The following FADS2 variants were observed in gnomAD, a reference collection of about 807,000 sequenced individuals.
FADS2 encodes acyl-CoA 6-desaturase.
Under a neutral mutation model 61.2 loss-of-function variants are expected in FADS2, and 18 were observed. The observed-to-expected ratio is 0.29, with a 90% CI of 0.20 to 0.44. FADS2 has a LOEUF of 0.44. FADS2 is among the 20% of genes least tolerant of loss of function. The probability of loss-of-function intolerance (pLI) is 1.00; values close to 1 mark genes in which losing one functional copy is unlikely to be tolerated. For missense variants in FADS2, 322 were observed against 572.7 expected, an observed-to-expected ratio of 0.56 and a Z score of 4.47; for synonymous variants, 203 against 223.9, an observed-to-expected ratio of 0.91 and a Z score of 0.83.
At chr11:61,840,757 G>T (rs541993181) in intron 4 of FADS2, 32 bp downstream of exon 4, 2 of 1,496,738 alleles carry the variant, frequency 1.3e-6, no homozygotes, top group South Asian at 1.1e-5. Flanking sequence ...CATCTGTCCT[G>T]TTGGACAGCA....
intron 4 of FADS2, among the ~76,000 whole-genome samples, chr11:61,843,036 C>T (rs1390735818): frequency 1.3e-5 from 2 of 152,210 alleles, no homozygotes; most frequent in East Asian, 1.9e-4. Flanking sequence ...GCCTTCAGCC[C>T]GTGTCATGCC....
upstream of FADS2, among the ~76,000 whole-genome samples, chr11:61,824,433 A>G (rs1207713690): frequency 1.6e-4 from 1 of 6,228 alleles, no homozygotes; most frequent in Non-Finnish European, 3.2e-4. Flanking sequence ...AGAGAGAGAG[A>G]GGGAGGGAGG....
chr11:61,857,113 TCCCCC>T, intron 6 of FADS2, 42 bp downstream of exon 6: 2 of 1,524,042 alleles, frequency 1.3e-6, no homozygotes, highest in Non-Finnish European at 1.8e-6. Context: ...GACCCTCCCC[TCCCCC>T]CAGAGTGGCG....
intron 1 of FADS2, among the ~76,000 whole-genome samples, 186 bp from the exon 2 acceptor site, chr11:61,837,592 G>A (rs937956265): frequency 3.9e-5 from 6 of 152,244 alleles, no homozygotes; most frequent in African/African-American, 1.4e-4. Context: ...GTTGCCATTG[G>A]CGTTGGGCAC....
chr11:61,816,384 T>C lies in FADS2; in HGVS notation c.99T>C (p.Pro33=). The C allele has an allele frequency of 1.3e-6, 2 of 1,598,430 alleles. 1 individual carries two copies. The highest frequency in any genetic ancestry group is 2.2e-5 in the South Asian group (2 of 91,082). Reference sequence around the variant, plus strand: ...CACTTCTCCAGGCCTCTCTCCCGCCTTTTCATCCCGCATCCGCAGGACACC... The same window carrying C: ...CACTTCTCCAGGCCTCTCTCCCGCCCTTTCATCCCGCATCCGCAGGACACC... The change falls in exon 1 of 12, where the codon CCT becomes CCC. Residue 33 remains proline (P), a synonymous_variant. Coordinates refer to the FADS2 transcript ENST00000257261. The surrounding 1 kb of genome is among the most constrained non-coding windows in gnomAD (Gnocchi z 7.0).
chr11:61,864,733 G>T (rs558029575), intron 10 of FADS2, among the ~76,000 whole-genome samples: 1 of 151,760 alleles, frequency 6.6e-6, no homozygotes, highest in East Asian at 1.9e-4. Flanking sequence ...AAGAGGTCTT[G>T]CCGTGTCGCC....
chr11:61,819,028 G>A (rs1205515620), intron 1 of FADS2, among the ~76,000 whole-genome samples: 1 of 151,828 alleles, frequency 6.6e-6, no homozygotes, highest in Non-Finnish European at 1.5e-5. Flanking sequence ...CCGCCACCAC[G>A]CCCAGCTAAT....
At chr11:61,837,635 G>A (rs1475471192) in intron 1 of FADS2, 143 bp from the exon 2 acceptor site, 15 of 623,628 alleles carry the variant, frequency 2.4e-5, no homozygotes, top group Middle Eastern at 2.7e-4. Flanking sequence ...TGCTGGAGAC[G>A]GCATTTGGGG....
chr11:61,841,526 C>A (rs542838851), intron 4 of FADS2, among the ~76,000 whole-genome samples: 9 of 149,922 alleles, frequency 6.0e-5, no homozygotes, highest in Admixed American at 4.0e-4. Flanking sequence ...TAGTGAGACC[C>A]CCCCCCATCT....
At chr11:61,854,353 A>T (rs1193634079) in intron 5 of FADS2, 1 of 152,248 alleles carries the variant, frequency 6.6e-6, no homozygotes, top group Non-Finnish European at 1.5e-5. Flanking sequence ...TCCTTGCTTA[A>T]CCCGTGAGGC....
At chr11:61,858,768 T>G (rs1223397359) in intron 7 of FADS2, among the ~76,000 whole-genome samples, 1 of 151,834 alleles carries the variant, frequency 6.6e-6, no homozygotes, top group East Asian at 2.0e-4. Flanking sequence ...GTATTTTTAG[T>G]AGTGATGGGG....
chr11:61,842,492 G>C (rs2067224761), intron 4 of FADS2, among the ~76,000 whole-genome samples: 1 of 152,262 alleles, frequency 6.6e-6, no homozygotes, highest in African/African-American at 2.4e-5. Flanking sequence ...GGGCCGGGCA[G>C]GGGGGATTGT....
At chr11:61,863,177 C>T (rs2067432334) in intron 8 of FADS2, 105 bp from the exon 9 acceptor site, 1 of 1,439,380 alleles carries the variant, frequency 6.9e-7, no homozygotes, top group African/African-American at 1.4e-5. Context: ...ACCTCCCATC[C>T]TGGCCCCTTG....
chr11:61,840,753 T>A lies in FADS2; in HGVS notation c.618+28T>A, dbSNP rs751032836. 3.2e-6 allele frequency: 5 copies of A among 1,547,230 alleles called. No individual in the cohort carries two copies. In the South Asian group the frequency reaches 5.6e-5, roughly 17 times the overall value. The stretch of plus-strand genomic sequence containing the variant: ...AAGTGTCAGCAGCCCTGGGCATCTG[T>A]CCTGTTGGACAGCAGTTGAGACAGA... On this transcript the variant is annotated intron_variant, in intron 4 of 11. Transcript: ENST00000278840.
chr11:61,832,163 G>T lies in FADS2; in HGVS notation c.207+3566G>T, dbSNP rs547488286. ...CTTGTCTCAGCAACTGTTCCTGCCCGGTCTGCATTGGTGACCTCTTAGAAT... is the reference window on the plus strand; with the variant it reads ...CTTGTCTCAGCAACTGTTCCTGCCCTGTCTGCATTGGTGACCTCTTAGAAT... On this transcript the variant is annotated intron_variant, in intron 1 of 11. Transcript: ENST00000278840. 9.2e-4 allele frequency among the ~76,000 whole-genome samples: 140 copies of T among 152,226 alleles called. 2 individuals are homozygous for T. Among genetic ancestry groups the T allele is most frequent in the Admixed American group, 2.0e-3 (30 of 15,284 alleles).
chr11:61,825,858 A>G (rs1286550640), upstream of FADS2, among the ~76,000 whole-genome samples: 8 of 152,100 alleles, frequency 5.3e-5, no homozygotes, highest in Non-Finnish European at 1.2e-4. Context: ...GCACCACTGC[A>G]CTCTAGCCTG....
chr11:61,845,715 C>T (rs2067251900), intron 4 of FADS2, among the ~76,000 whole-genome samples: 2 of 144,472 alleles, frequency 1.4e-5, no homozygotes, highest in Non-Finnish European at 3.0e-5. Context: ...ACCTGGGAGG[C>T]GGAGGTTGCA....
chr11:61,824,836 G>A (rs535325995), upstream of FADS2, among the ~76,000 whole-genome samples: 60 of 152,250 alleles, frequency 3.9e-4, no homozygotes, highest in Non-Finnish European at 7.6e-4. Context: ...TTCTGCTAGC[G>A]TAGCTTAGCA....
In FADS2 at chr11:61,840,435, C is replaced by A; in HGVS notation, c.420C>A (p.Ile140=). Residue 140 remains isoleucine, a synonymous_variant, in exon 3 of 12, where the codon ATC becomes ATA. Transcript: ENST00000278840. ...TCTTCCTCCTCCTCCTGGCCCACAT[C>A]ATCGCCCTGGAGAGCATTGCATGGT... ...HVFFLLLLAH[I]IALESIAWFT... 1 of 1,614,190 alleles carries A rather than the reference C, an allele frequency of 6.2e-7. No homozygotes were observed. The highest frequency in any genetic ancestry group is 8.5e-7 in the Non-Finnish European group (1 of 1,180,002).
Sources: gnomAD v4.1 joint callset for allele counts (sites outside exome capture counted in the v4.1 genomes callset) on GRCh38, gnomAD v4.1.1 for gene constraint, Gnocchi (gnomAD v3.1) non-coding constraint, MANE v1.5 for transcripts, NCBI Gene and HGNC (gene_info 2026-07-23, HGNC 2026-07-21) for gene names.